Variants in PRR16 observed in about 807,000 individuals in gnomAD.
PRR16 encodes proline rich 16.
Under a neutral mutation model 18.2 loss-of-function variants are expected in PRR16, and 6 were observed. The observed-to-expected ratio is 0.33, with a 90% CI of 0.18 to 0.65. The LOEUF is 0.65. Among genes scored for constraint, PRR16 ranks in the 30% least tolerant of loss-of-function variants. The pLI is 0.74. For synonymous variants in PRR16, 151 were observed against 147.8 expected (o/e 1.02, Z -0.16); for missense variants, 412 against 376.6 (o/e 1.09, Z -0.78).
At chr5:120,487,631 C>A (rs141759091) in intron 1 of PRR16, among the ~76,000 whole-genome samples, 1,620 of 152,214 alleles carry the variant, frequency 0.011, 15 homozygotes, top group Middle Eastern at 0.017. Flanking sequence ...TAATTGAATA[C>A]CCTCTATTTC....
intron 1 of PRR16, among the ~76,000 whole-genome samples, chr5:120,493,478 G>A (rs937443459): frequency 4.6e-5 from 7 of 151,874 alleles, no homozygotes; most frequent in African/African-American, 1.2e-4. Flanking sequence ...TTTATTTTGA[G>A]ATCATTGTAG....
chr5:120,702,260 AAATAAGGGGTCGGGGCATG>A, the PRR16 span, among the ~76,000 whole-genome samples: 4 of 50,304 alleles, frequency 8.0e-5, no homozygotes, highest in Non-Finnish European at 2.0e-4. Context: ...CGGGGCACGG[AAATAAGGGGTCGGGGCATG>A]GAAATAAGGG....
chr5:120,753,406 A>G, the PRR16 span, among the ~76,000 whole-genome samples: 39 of 151,996 alleles, frequency 2.6e-4, no homozygotes, highest in African/African-American at 8.5e-4. Flanking sequence ...TGAGCCAAGA[A>G]CAAAAAGAAA....
chr5:120,582,697 G>A (rs1524568), intron 1 of PRR16, among the ~76,000 whole-genome samples: 76,050 of 151,486 alleles, frequency 0.5, 19,681 homozygotes, highest in African/African-American at 0.61. Flanking sequence ...AATTTCTTTC[G>A]TAATAGTAAT....
chr5:120,654,791 G>T (rs1415966730), intron 1 of PRR16, among the ~76,000 whole-genome samples: 2 of 151,600 alleles, frequency 1.3e-5, no homozygotes, highest in East Asian at 3.9e-4. Flanking sequence ...TTCAGTAAAA[G>T]AGTTGAATGG....
At chr5:120,707,576 CCTGA>C in the PRR16 span, among the ~76,000 whole-genome samples, 2 of 152,100 alleles carry the variant, frequency 1.3e-5, no homozygotes, top group African/African-American at 2.4e-5. Context: ...ATATAATCTG[CCTGA>C]CTGTTATGTT....
the PRR16 span, among the ~76,000 whole-genome samples, chr5:120,780,831 C>A: frequency 6.6e-6 from 1 of 152,076 alleles, no homozygotes; most frequent in Non-Finnish European, 1.5e-5. Flanking sequence ...CGGGGGGAAT[C>A]GCGAGGTCAG....
chr5:120,540,678 C>T (rs747534209), intron 1 of PRR16, among the ~76,000 whole-genome samples: 39 of 152,086 alleles, frequency 2.6e-4, no homozygotes, highest in Non-Finnish European at 4.4e-4. Flanking sequence ...ATTATTGGAA[C>T]GCTAAGCATC....
At chr5:120,622,539 C>T (rs1170614375) in intron 1 of PRR16, among the ~76,000 whole-genome samples, 1 of 151,906 alleles carries the variant, frequency 6.6e-6, no homozygotes. Context: ...AGTGCAATGG[C>T]ATGATCTTGG....
intron 1 of PRR16, among the ~76,000 whole-genome samples, chr5:120,653,473 T>A (rs1211838809): frequency 6.6e-6 from 1 of 152,030 alleles, no homozygotes; most frequent in African/African-American, 2.4e-5. Flanking sequence ...CTTTTTTGCA[T>A]TATTTAAATT....
intron 1 of PRR16, chr5:120,658,031 A>ATGTTGTTGT (rs150042007): frequency 1.3e-5 from 2 of 151,460 alleles, no homozygotes; most frequent in East Asian, 1.9e-4. Context: ...GTGGGTTTTG[A>ATGTTGTTGT]TGTTGTTGTT....
rs1752543323 is a variant in PRR16 at position 120,560,539 on chromosome 5, A to G, written c.159+95894A>G. 2.6e-5 allele frequency among the ~76,000 whole-genome samples: 4 copies of G among 152,044 alleles called. No homozygotes were observed. In the South Asian group the frequency reaches 8.3e-4, roughly 32 times the overall value. ...AATGTATTGTTGAATTTGGTTTGCT[A>G]GTATTTTGTTGAGGATTTTCACATC... On this transcript the variant is annotated intron_variant, in intron 1 of 1. Transcript: ENST00000407149.
At chr5:120,508,619 G>C (rs544342751) in intron 1 of PRR16, among the ~76,000 whole-genome samples, 2 of 152,158 alleles carry the variant, frequency 1.3e-5, no homozygotes, top group South Asian at 4.1e-4. Context: ...CGTATTTGTA[G>C]GGCTCAATCT....
the PRR16 span, among the ~76,000 whole-genome samples, chr5:120,778,196 G>A: frequency 6.6e-6 from 1 of 152,054 alleles, no homozygotes; most frequent in African/African-American, 2.4e-5. Context: ...AAAAAAGACA[G>A]GTGGTAAGGA....
chr5:120,777,583 T>C, the PRR16 span, among the ~76,000 whole-genome samples: 1 of 151,464 alleles, frequency 6.6e-6, no homozygotes, highest in South Asian at 2.1e-4. Context: ...GGTTTTATTA[T>C]CCAAATCTAC....
chr5:120,757,174 A>T, the PRR16 span, among the ~76,000 whole-genome samples: 1 of 151,750 alleles, frequency 6.6e-6, no homozygotes, highest in South Asian at 2.1e-4. Context: ...TTCTTGGTCT[A>T]TTTGTCTGCT....
chr5:120,582,556 G>A (rs996579873), intron 1 of PRR16, among the ~76,000 whole-genome samples: 1 of 151,966 alleles, frequency 6.6e-6, no homozygotes, highest in Non-Finnish European at 1.5e-5. Context: ...AATAAACTAT[G>A]CTCTTTGACT....
intron 1 of PRR16, among the ~76,000 whole-genome samples, chr5:120,600,672 C>T (rs569964250): frequency 8.2e-4 from 124 of 151,918 alleles, no homozygotes; most frequent in African/African-American, 2.9e-3. Context: ...ATTTCATCAC[C>T]CGGATAGTGA....
the PRR16 span, among the ~76,000 whole-genome samples, chr5:120,712,090 T>C: frequency 6.6e-6 from 1 of 152,174 alleles, no homozygotes. Context: ...ATTCAGACTT[T>C]TTTTATCATA....
Sources: gnomAD v4.1 joint callset for allele counts (sites outside exome capture counted in the v4.1 genomes callset) on GRCh38, gnomAD v4.1.1 for gene constraint, MANE v1.5 for transcripts, NCBI Gene and HGNC (gene_info 2026-07-23, HGNC 2026-07-21) for gene names.